STK32B: variants seen among roughly 807,000 people sequenced by gnomAD.
STK32B encodes serine/threonine kinase 32B, also known as serine/threonine-protein kinase 32B.
In STK32B, 43 loss-of-function variants were observed where a neutral mutation model predicts 52.6. The ratio of observed to expected loss-of-function variants is 0.82; its 90% CI spans 0.64 to 1.05. The LOEUF (loss-of-function observed/expected upper bound fraction) is 1.05. STK32B is among the 50% of genes least tolerant of loss of function. The pLI is 0.00. For synonymous variants in STK32B, 238 were observed against 204.3 expected (o/e 1.17, Z -1.41); for missense variants, 621 against 534.6 (o/e 1.16, Z -1.59).
intron 1 of STK32B, among the ~76,000 whole-genome samples, chr4:5,083,458 G>A (rs1712546742): frequency 1.3e-5 from 2 of 152,146 alleles, no homozygotes; most frequent in South Asian, 4.1e-4. Context: ...CTAATTTTCT[G>A]AATGTGTCAC....
At chr4:5,346,024 G>A (rs1015152745) in intron 4 of STK32B, among the ~76,000 whole-genome samples, 5 of 152,144 alleles carry the variant, frequency 3.3e-5, no homozygotes, top group Non-Finnish European at 7.3e-5. Flanking sequence ...ATGCTTGTGG[G>A]TGTATGGTTG....
chr4:5,156,886 T>C (rs573032614), intron 2 of STK32B, among the ~76,000 whole-genome samples: 1 of 152,110 alleles, frequency 6.6e-6, no homozygotes, highest in Non-Finnish European at 1.5e-5. Flanking sequence ...TATTATGCAA[T>C]GATGATCATT....
chr4:5,096,868 G>T (rs1713431426), intron 1 of STK32B, among the ~76,000 whole-genome samples: 1 of 152,208 alleles, frequency 6.6e-6, no homozygotes, highest in South Asian at 2.1e-4. Flanking sequence ...CATTTTTAAA[G>T]GAGGAAAACA....
chr4:5,162,954 G>A (rs1223168010), intron 2 of STK32B, among the ~76,000 whole-genome samples: 1 of 152,304 alleles, frequency 6.6e-6, no homozygotes, highest in African/African-American at 2.4e-5. Context: ...GTTGTCATGG[G>A]ATTTTGAGCA....
intron 1 of STK32B, among the ~76,000 whole-genome samples, chr4:5,084,103 G>C (rs1712588641): frequency 6.6e-6 from 1 of 152,130 alleles, no homozygotes; most frequent in Non-Finnish European, 1.5e-5. Context: ...AGTAATTGCT[G>C]TCCCTCCAAT....
At chr4:5,182,051 A>G (rs1355218913) in intron 3 of STK32B, among the ~76,000 whole-genome samples, 2 of 152,256 alleles carry the variant, frequency 1.3e-5, no homozygotes, top group Admixed American at 1.3e-4. Context: ...TGATTCAGAA[A>G]TATTCATGGC....
At chr4:5,210,797 C>CT (rs373764187) in intron 3 of STK32B, among the ~76,000 whole-genome samples, 8,609 of 142,950 alleles carry the variant, frequency 0.06, 529 homozygotes, top group African/African-American at 0.16. Context: ...TTTAGAAATA[C>CT]TTTTTTTTTT....
intron 4 of STK32B, among the ~76,000 whole-genome samples, chr4:5,352,572 T>C (rs1052968556): frequency 2.0e-5 from 3 of 147,592 alleles, no homozygotes; most frequent in Non-Finnish European, 4.5e-5. Context: ...CTATTCAACA[T>C]AGTACTGAAA....
At chr4:5,086,649 C>A (rs561922277) in intron 1 of STK32B, among the ~76,000 whole-genome samples, 1 of 151,968 alleles carries the variant, frequency 6.6e-6, no homozygotes, top group African/African-American at 2.4e-5. Flanking sequence ...TAAAAAAGAA[C>A]CACACCGAGA....
chr4:5,421,662 C>A (rs762350946), intron 6 of STK32B, among the ~76,000 whole-genome samples: 137 of 152,336 alleles, frequency 9.0e-4, no homozygotes, highest in Non-Finnish European at 1.7e-3. Context: ...TCTGAGGCAG[C>A]CCAGTCCAGG....
At chr4:5,485,083 C>A (rs1470249841) in intron 11 of STK32B, among the ~76,000 whole-genome samples, 1 of 151,830 alleles carries the variant, frequency 6.6e-6, no homozygotes. Flanking sequence ...TTGCTCTTCT[C>A]GTGGAGTATC....
At position 5,361,584 on chromosome 4, in the gene STK32B, C is replaced by G. The variant is rs145172276; in HGVS notation, c.434+30191C>G. 3.8e-3 allele frequency among the ~76,000 whole-genome samples: 576 copies of G among 152,304 alleles called. 3 individuals carry two copies. Among genetic ancestry groups the G allele is most frequent in the African/African-American group, 0.013 (557 of 41,576 alleles). On this transcript the variant is annotated intron_variant, in intron 4 of 11. Transcript: ENST00000282908. ...CTCACTATGTTGCCCAGGCTGGTCT[C>G]AAACTCCTGGGCTGAAGTGATCCTC...
upstream of STK32B, among the ~76,000 whole-genome samples, chr4:5,048,745 C>A (rs1577607127): frequency 6.6e-6 from 1 of 152,370 alleles, no homozygotes; most frequent in East Asian, 1.9e-4. Context: ...GCATTGAAAT[C>A]TTAGGTCTTT....
At chr4:5,407,309 A>C (rs1056298806) in intron 5 of STK32B, among the ~76,000 whole-genome samples, 5 of 152,066 alleles carry the variant, frequency 3.3e-5, no homozygotes, top group African/African-American at 1.2e-4. Flanking sequence ...CAATTTAACA[A>C]GTTTCTAGGG....
chr4:5,150,266 G>T (rs150912956), intron 2 of STK32B, among the ~76,000 whole-genome samples: 1,816 of 152,082 alleles, frequency 0.012, 26 homozygotes, highest in Middle Eastern at 0.024. Context: ...CTTTATTTCA[G>T]TCATATTACC....
At chr4:5,118,664 C>T (rs1188884889) in intron 1 of STK32B, among the ~76,000 whole-genome samples, 2 of 152,210 alleles carry the variant, frequency 1.3e-5, no homozygotes, top group African/African-American at 4.8e-5. Context: ...AGAGTTGCCA[C>T]TCACAGTTGT....
At chr4:5,260,075 A>G (rs2108843481) in intron 3 of STK32B, among the ~76,000 whole-genome samples, 1 of 144,782 alleles carries the variant, frequency 6.9e-6, no homozygotes, top group Non-Finnish European at 1.5e-5. Context: ...AAACATACAC[A>G]CATACACACA....
intron 11 of STK32B, among the ~76,000 whole-genome samples, chr4:5,483,837 C>T (rs552917179): frequency 5.1e-4 from 77 of 152,162 alleles, no homozygotes; most frequent in South Asian, 1.9e-3. Context: ...GCCTTCATTT[C>T]GTTGTGTACC....
chr4:5,445,035 A>G (rs113496398), intron 6 of STK32B, among the ~76,000 whole-genome samples: 4,019 of 152,296 alleles, frequency 0.026, 185 homozygotes, highest in African/African-American at 0.091. Flanking sequence ...AATTCAGCAG[A>G]CCTGTAAGGT....
Sources: allele counts gnomAD v4.1 joint callset (sites outside exome capture counted in the v4.1 genomes callset), GRCh38; gene constraint gnomAD v4.1.1; transcripts MANE v1.5; gene names NCBI Gene and HGNC (gene_info 2026-07-23, HGNC 2026-07-21).